The following MGAT4C variants were observed in gnomAD, a reference collection of about 807,000 sequenced individuals.
MGAT4C encodes the protein alpha-1,3-mannosyl-glycoprotein 4-beta-N-acetylglucosaminyltransferase C.
In MGAT4C, 19 loss-of-function variants were observed where a neutral mutation model predicts 40.1. The ratio of observed to expected loss-of-function variants is 0.47; its 90% CI spans 0.33 to 0.70. MGAT4C has a LOEUF of 0.70. MGAT4C is among the 30% of genes least tolerant of loss of function. MGAT4C has a pLI of 0.02. For synonymous variants in MGAT4C, 181 were observed against 187.1 expected, an observed-to-expected ratio of 0.97 and a Z score of 0.27; for missense variants, 491 against 563.2, an observed-to-expected ratio of 0.87 and a Z score of 1.30.
At chr12:86,746,751 C>G (rs1951160085) in intron 1 of MGAT4C, among the ~76,000 whole-genome samples, 1 of 151,598 alleles carries the variant, frequency 6.6e-6, no homozygotes, top group African/African-American at 2.4e-5. Flanking sequence ...TGACTAATTA[C>G]AGGAAGATCA....
intron 2 of MGAT4C, among the ~76,000 whole-genome samples, chr12:86,591,875 T>C (rs1158321620): frequency 6.6e-6 from 1 of 151,956 alleles, no homozygotes; most frequent in African/African-American, 2.4e-5. Flanking sequence ...TAAATTACTA[T>C]ATTACCTTTT....
chr12:86,822,534 G>T (rs550019523), intron 1 of MGAT4C, among the ~76,000 whole-genome samples: 22 of 148,012 alleles, frequency 1.5e-4, no homozygotes, highest in East Asian at 1.2e-3. Context: ...AAGAAAGCAG[G>T]GACAGCTATA....
chr12:86,394,313 T>G (rs1159135839), intron 3 of MGAT4C, among the ~76,000 whole-genome samples: 1 of 151,950 alleles, frequency 6.6e-6, no homozygotes, highest in Non-Finnish European at 1.5e-5. Flanking sequence ...TAAAATTGGT[T>G]GTTGAAAATA....
At chr12:86,033,171 T>C (rs1890916518) in intron 2 of MGAT4C, among the ~76,000 whole-genome samples, 1 of 148,866 alleles carries the variant, frequency 6.7e-6, no homozygotes, top group Non-Finnish European at 1.5e-5. Flanking sequence ...TCTATCCCTA[T>C]AAGTATAGTT....
intron 2 of MGAT4C, among the ~76,000 whole-genome samples, chr12:86,519,421 A>C (rs1220421537): frequency 6.6e-6 from 1 of 152,156 alleles, no homozygotes; most frequent in African/African-American, 2.4e-5. Flanking sequence ...ATATATACCC[A>C]GTAGTGAGAT....
At chr12:86,717,614 A>G (rs905750520) in intron 2 of MGAT4C, among the ~76,000 whole-genome samples, 2 of 152,132 alleles carry the variant, frequency 1.3e-5, no homozygotes, top group Non-Finnish European at 2.9e-5. Flanking sequence ...ATAAAAACTC[A>G]TCTCTTGGAA....
At chr12:86,834,181 GATATAGATATA>G (rs1952990267) in intron 1 of MGAT4C, among the ~76,000 whole-genome samples, 1 of 53,348 alleles carries the variant, frequency 1.9e-5, no homozygotes, top group Non-Finnish European at 4.7e-5. Flanking sequence ...GATAGATATA[GATATAGATATA>G]GATATAGATA....
intron 3 of MGAT4C, among the ~76,000 whole-genome samples, chr12:86,367,653 G>T (rs1955625635): frequency 6.6e-6 from 1 of 152,124 alleles, no homozygotes; most frequent in South Asian, 2.1e-4. Flanking sequence ...CAAAAAATTA[G>T]CTGGGCGTGG....
At chr12:85,997,202 C>A (rs952362893) in intron 2 of MGAT4C, among the ~76,000 whole-genome samples, 1 of 152,144 alleles carries the variant, frequency 6.6e-6, no homozygotes, top group Admixed American at 6.5e-5. Context: ...ATAAAACCAT[C>A]AGATATTGTG....
At chr12:86,174,603 T>C (rs1485857506) in intron 1 of MGAT4C, among the ~76,000 whole-genome samples, 1 of 152,154 alleles carries the variant, frequency 6.6e-6, no homozygotes, top group Non-Finnish European at 1.5e-5. Context: ...TGCTCTCTTC[T>C]ATTTTTATGG....
At chr12:86,658,334 A>G (rs1406055066) in intron 2 of MGAT4C, among the ~76,000 whole-genome samples, 3 of 152,114 alleles carry the variant, frequency 2.0e-5, no homozygotes, top group Non-Finnish European at 4.4e-5. Context: ...AGCAAAAAAC[A>G]TCTTTGAAGA....
chr12:86,661,785 A>T (rs1184046021), intron 2 of MGAT4C, among the ~76,000 whole-genome samples: 1 of 152,044 alleles, frequency 6.6e-6, no homozygotes, highest in African/African-American at 2.4e-5. Context: ...CTAAAAATGC[A>T]AAAATTAGCC....
chr12:86,827,616 C>G (rs1229506032), intron 1 of MGAT4C, among the ~76,000 whole-genome samples: 1 of 151,036 alleles, frequency 6.6e-6, no homozygotes, highest in Non-Finnish European at 1.5e-5. Flanking sequence ...CTTAAGAGTT[C>G]AACGAAAGAA....
intron 4 of MGAT4C, among the ~76,000 whole-genome samples, chr12:86,324,497 A>C (rs901246667): frequency 1.3e-5 from 2 of 151,854 alleles, no homozygotes; most frequent in Non-Finnish European, 2.9e-5. Flanking sequence ...TTAGTAGTAG[A>C]TTATATTGCT....
intron 2 of MGAT4C, among the ~76,000 whole-genome samples, chr12:86,601,804 A>AAC (rs951928840): frequency 3.3e-5 from 5 of 152,216 alleles, no homozygotes; most frequent in Non-Finnish European, 7.4e-5. Flanking sequence ...AAACAGGCTA[A>AAC]ACACACACAC....
chr12:86,644,939 T>C (rs1565901587), intron 2 of MGAT4C, among the ~76,000 whole-genome samples: 1 of 151,640 alleles, frequency 6.6e-6, no homozygotes. Context: ...TTGAGTTAGG[T>C]ACGGTTACGT....
Position 86,307,477 on chromosome 12 carries a change from C to A in MGAT4C, c.-57+26588G>T, listed in dbSNP as rs148698991. Among the ~76,000 whole-genome samples, 5 of 150,246 alleles carry A rather than the reference C, an allele frequency of 3.3e-5. 1 individual carries two copies. The highest frequency in any genetic ancestry group is 1.3e-4 in the African/African-American group (5 of 39,858). ...ATAATAAGAATTATTACTATCTAGC[C>A]ATGAGCTGGAACTAATCAAAAGGGT... On this transcript the variant is annotated intron_variant, in intron 4 of 7. Transcript: ENST00000548651.
intron 1 of MGAT4C, among the ~76,000 whole-genome samples, chr12:86,210,395 A>G (rs1452705826): frequency 6.6e-6 from 1 of 152,336 alleles, no homozygotes; most frequent in East Asian, 1.9e-4. Flanking sequence ...CTATAAAAAA[A>G]CTGTGATATG....
At chr12:86,531,322 C>T (rs1424392807) in intron 2 of MGAT4C, among the ~76,000 whole-genome samples, 1 of 151,978 alleles carries the variant, frequency 6.6e-6, no homozygotes, top group East Asian at 1.9e-4. Flanking sequence ...CCCTGGAAAC[C>T]ACTTATAGAC....
Sources: gnomAD v4.1 joint callset for allele counts (sites outside exome capture counted in the v4.1 genomes callset) on GRCh38, gnomAD v4.1.1 for gene constraint, MANE v1.5 for transcripts, NCBI Gene and HGNC (gene_info 2026-07-23, HGNC 2026-07-21) for gene names.